The following LRRC4C variants were observed in gnomAD, a reference collection of about 807,000 sequenced individuals.
The protein encoded by LRRC4C is leucine rich repeat containing 4C, also known as leucine-rich repeat-containing protein 4C.
A neutral mutation model predicts 33.6 loss-of-function variants in LRRC4C; 5 were observed. That is an observed-to-expected ratio of 0.15 (90% CI 0.08 to 0.31). LRRC4C has a LOEUF of 0.31. LRRC4C is among the 10% of genes least tolerant of loss of function. The pLI, the probability that LRRC4C is intolerant of heterozygous loss-of-function variation, is 1.00. For missense variants in LRRC4C, 560 were observed against 796.7 expected (o/e 0.70, Z 3.58); for synonymous variants, 329 against 302.0 (o/e 1.09, Z -0.93).
At chr11:40,217,411 CAA>C (rs1397790135) in intron 5 of LRRC4C, among the ~76,000 whole-genome samples, 1 of 151,996 alleles carries the variant, frequency 6.6e-6, no homozygotes. Flanking sequence ...TTATTACAGA[CAA>C]AGACTGTAAC....
intron 2 of LRRC4C, among the ~76,000 whole-genome samples, chr11:40,898,888 A>C (rs1008713160): frequency 2.0e-5 from 3 of 152,124 alleles, no homozygotes; most frequent in Admixed American, 1.3e-4. Flanking sequence ...CTGATACACA[A>C]AGCTACTTGG....
intron 4 of LRRC4C, among the ~76,000 whole-genome samples, chr11:40,245,957 T>C (rs919356435): frequency 6.6e-6 from 1 of 151,800 alleles, no homozygotes; most frequent in South Asian, 2.1e-4. Flanking sequence ...ATGATACATA[T>C]TGTTAAAGTC....
At chr11:40,913,579 C>T (rs1956795745) in intron 2 of LRRC4C, among the ~76,000 whole-genome samples, 1 of 151,842 alleles carries the variant, frequency 6.6e-6, no homozygotes, top group South Asian at 2.1e-4. Flanking sequence ...GCACTAAATG[C>T]CCACAAGAGA....
At chr11:40,268,052 G>A (rs866555488) in intron 4 of LRRC4C, among the ~76,000 whole-genome samples, 5 of 152,120 alleles carry the variant, frequency 3.3e-5, no homozygotes, top group Admixed American at 1.3e-4. Flanking sequence ...TGAGAATGGC[G>A]TACAGCTCCC....
intron 2 of LRRC4C, among the ~76,000 whole-genome samples, chr11:40,804,594 C>T (rs987974032): frequency 3.9e-5 from 6 of 152,124 alleles, no homozygotes; most frequent in Non-Finnish European, 5.9e-5. Context: ...CTGTGTATTA[C>T]GTTCCCCAAG....
intron 2 of LRRC4C, among the ~76,000 whole-genome samples, chr11:40,770,316 C>T (rs1040369272): frequency 6.6e-6 from 1 of 152,086 alleles, no homozygotes; most frequent in African/African-American, 2.4e-5. Context: ...CTTATAAAAC[C>T]ATCAGATCTT....
chr11:40,576,411 T>C (rs956317027), intron 3 of LRRC4C, among the ~76,000 whole-genome samples: 3 of 152,336 alleles, frequency 2.0e-5, no homozygotes, highest in Non-Finnish European at 4.4e-5. Flanking sequence ...AGCCTGGACT[T>C]GGCCTATAGC....
intron 3 of LRRC4C, among the ~76,000 whole-genome samples, chr11:40,336,925 C>G (rs1179776871): frequency 7.6e-6 from 1 of 130,856 alleles, no homozygotes; most frequent in Non-Finnish European, 1.5e-5. Flanking sequence ...TGCAGTGAGC[C>G]GAGATTGCAC....
intron 2 of LRRC4C, among the ~76,000 whole-genome samples, chr11:40,792,916 T>C (rs1950684007): frequency 6.6e-6 from 1 of 151,864 alleles, no homozygotes; most frequent in Non-Finnish European, 1.5e-5. Flanking sequence ...ATGTTCTCAC[T>C]CATAGGTGGG....
At chr11:40,410,182 T>C (rs1019940074) in intron 3 of LRRC4C, among the ~76,000 whole-genome samples, 1 of 151,962 alleles carries the variant, frequency 6.6e-6, no homozygotes, top group Non-Finnish European at 1.5e-5. Context: ...ACATGTTGTA[T>C]AATAGAAATG....
At chr11:40,129,813 A>C (rs1350673029) in intron 6 of LRRC4C, among the ~76,000 whole-genome samples, 1 of 152,216 alleles carries the variant, frequency 6.6e-6, no homozygotes, top group African/African-American at 2.4e-5. Flanking sequence ...GGACTGGGGA[A>C]GGCTATGGCG....
intron 1 of LRRC4C, among the ~76,000 whole-genome samples, chr11:40,987,654 T>A (rs1247300934): frequency 8.0e-5 from 2 of 24,876 alleles, no homozygotes; most frequent in Non-Finnish European, 1.7e-4. Flanking sequence ...TATATATATC[T>A]CATATATATG....
At chr11:40,605,467 G>A (rs775277328) in intron 3 of LRRC4C, among the ~76,000 whole-genome samples, 3 of 152,098 alleles carry the variant, frequency 2.0e-5, no homozygotes, top group East Asian at 1.9e-4. Flanking sequence ...CCATTTAAGA[G>A]GCTTCTGCAA....
intron 2 of LRRC4C, among the ~76,000 whole-genome samples, chr11:40,793,429 C>T (rs1425063452): frequency 6.6e-6 from 1 of 152,144 alleles, no homozygotes; most frequent in East Asian, 1.9e-4. Flanking sequence ...ACAGAGTTTT[C>T]AAATCCATTA....
At chr11:40,733,716 C>A (rs551718813) in intron 2 of LRRC4C, among the ~76,000 whole-genome samples, 5 of 152,250 alleles carry the variant, frequency 3.3e-5, no homozygotes, top group African/African-American at 1.2e-4. Context: ...AATGTAGTAG[C>A]GACCTTTTAA....
intron 2 of LRRC4C, among the ~76,000 whole-genome samples, chr11:40,878,953 G>C (rs1209829522): frequency 6.6e-6 from 1 of 152,162 alleles, no homozygotes; most frequent in East Asian, 1.9e-4. Flanking sequence ...GTCTGGCTGT[G>C]AGCCTCACAT....
intron 1 of LRRC4C, among the ~76,000 whole-genome samples, chr11:41,165,742 A>T (rs1009925691): frequency 2.6e-5 from 4 of 152,106 alleles, no homozygotes; most frequent in African/African-American, 9.7e-5. Flanking sequence ...TAAAAACTTA[A>T]AAAGGGGCCG....
chr11:40,880,223 G>A (rs1017473978), intron 2 of LRRC4C, among the ~76,000 whole-genome samples: 3 of 152,136 alleles, frequency 2.0e-5, no homozygotes, highest in Admixed American at 6.6e-5. Flanking sequence ...GATATATTCC[G>A]TGTAAGTACC....
At chr11:40,286,820 A>C (rs977820879) in intron 4 of LRRC4C, among the ~76,000 whole-genome samples, 7 of 152,110 alleles carry the variant, frequency 4.6e-5, no homozygotes, top group African/African-American at 1.7e-4. Flanking sequence ...GTGATGAAAC[A>C]AAGTTGAAAT....
Sources: gnomAD v4.1 joint callset for allele counts (sites outside exome capture counted in the v4.1 genomes callset) on GRCh38, gnomAD v4.1.1 for gene constraint, MANE v1.5 for transcripts, NCBI Gene and HGNC (gene_info 2026-07-23, HGNC 2026-07-21) for gene names.